The following CTNNA3 variants were observed in gnomAD, a reference collection of about 807,000 sequenced individuals.
The protein encoded by CTNNA3 is catenin alpha-3.
Under a neutral mutation model 95.7 loss-of-function variants are expected in CTNNA3, and 76 were observed. The ratio of observed to expected loss-of-function variants is 0.79; its 90% CI spans 0.66 to 0.96. The LOEUF is 0.96. Among genes scored for constraint, CTNNA3 ranks in the 40% least tolerant of loss-of-function variants. CTNNA3 has a pLI of 0.00. For missense variants in CTNNA3, 1,191 were observed against 1,089.8 expected (o/e 1.09, Z -1.31); for synonymous variants, 431 against 374.4 (o/e 1.15, Z -1.74).
intron 1 of CTNNA3, among the ~76,000 whole-genome samples, chr10:67,711,198 A>C (rs1241706858): frequency 3.3e-5 from 5 of 152,230 alleles, no homozygotes; most frequent in African/African-American, 1.2e-4. Context: ...CAGCAGTGTG[A>C]AAGTGGACTA....
rs370545577 is a variant in CTNNA3, at chr10:66,977,824, T to C, written c.1048-202300A>G. 2.6e-5 allele frequency among the ~76,000 whole-genome samples: 4 copies of C among 152,322 alleles called. 1 individual carries two copies. The highest frequency in any genetic ancestry group is 2.4e-5 in the African/African-American group (1 of 41,584). On this transcript the variant is annotated intron_variant, in intron 7 of 17. Transcript: ENST00000433211. ...ACTTCCAATTGTCACTAAAGATATG[T>C]CATGCTTTATAGCCTCCTATATGTC...
At chr10:66,875,395 T>TAAA (rs76999620) in intron 7 of CTNNA3, among the ~76,000 whole-genome samples, 5 of 146,886 alleles carry the variant, frequency 3.4e-5, no homozygotes, top group African/African-American at 7.5e-5. Context: ...CACTGTTATT[T>TAAA]AAAAAAAAAA....
At chr10:67,392,324 A>G (rs562110780) in intron 5 of CTNNA3, among the ~76,000 whole-genome samples, 2 of 152,362 alleles carry the variant, frequency 1.3e-5, no homozygotes, top group East Asian at 1.9e-4. Flanking sequence ...ATCACTGGCC[A>G]TCAGAGAAAT....
intron 9 of CTNNA3, among the ~76,000 whole-genome samples, chr10:66,713,159 T>G (rs984853535): frequency 6.6e-6 from 1 of 152,140 alleles, no homozygotes; most frequent in Non-Finnish European, 1.5e-5. Context: ...GTCTCTCTAA[T>G]GCCTGTGCCC....
At chr10:67,076,425 C>T (rs1478029101) in intron 7 of CTNNA3, among the ~76,000 whole-genome samples, 3 of 152,172 alleles carry the variant, frequency 2.0e-5, no homozygotes, top group Non-Finnish European at 4.4e-5. Flanking sequence ...GCATCATAAT[C>T]CACAATCACA....
chr10:66,119,190 A>G (rs2133809738), intron 13 of CTNNA3, among the ~76,000 whole-genome samples: 1 of 152,322 alleles, frequency 6.6e-6, no homozygotes, highest in African/African-American at 2.4e-5. Context: ...GTATGGTGGG[A>G]CTGTCATAAA....
chr10:65,946,730 A>G (rs1237412969), intron 17 of CTNNA3, among the ~76,000 whole-genome samples: 4 of 152,154 alleles, frequency 2.6e-5, no homozygotes, highest in South Asian at 4.1e-4. Context: ...TCTATTGTCC[A>G]AAACATTTAT....
intron 12 of CTNNA3, among the ~76,000 whole-genome samples, chr10:66,374,134 T>C (rs932518053): frequency 2.0e-5 from 3 of 152,198 alleles, no homozygotes; most frequent in Non-Finnish European, 4.4e-5. Context: ...CCCTCTGCTA[T>C]GTGTAGATGC....
chr10:66,336,501 C>T (rs1463885215), intron 12 of CTNNA3, among the ~76,000 whole-genome samples: 1 of 152,114 alleles, frequency 6.6e-6, no homozygotes, highest in Non-Finnish European at 1.5e-5. Flanking sequence ...TTAATAACCT[C>T]TCTATCCTCC....
chr10:67,617,730 A>G (rs1843698595), intron 2 of CTNNA3, among the ~76,000 whole-genome samples: 1 of 150,790 alleles, frequency 6.6e-6, no homozygotes, highest in African/African-American at 2.4e-5. Flanking sequence ...ACAGCGTATA[A>G]GCATTCCTTT....
intron 1 of CTNNA3, among the ~76,000 whole-genome samples, chr10:67,739,854 A>G (rs1841325071): frequency 6.6e-6 from 1 of 152,210 alleles, no homozygotes; most frequent in African/African-American, 2.4e-5. Flanking sequence ...CGCCAAGTCA[A>G]TCCTAAGCCA....
At chr10:66,716,605 G>C (rs1046959383) in intron 9 of CTNNA3, among the ~76,000 whole-genome samples, 9 of 152,268 alleles carry the variant, frequency 5.9e-5, no homozygotes, top group Middle Eastern at 3.4e-3. Context: ...GGCCAGAATT[G>C]AGGCAACAGA....
intron 1 of CTNNA3, among the ~76,000 whole-genome samples, chr10:67,755,744 A>T (rs1481569823): frequency 6.7e-6 from 1 of 148,760 alleles, no homozygotes; most frequent in East Asian, 2.0e-4. Context: ...GGAGGTTGAA[A>T]TGAGCCGAGA....
intron 13 of CTNNA3, among the ~76,000 whole-genome samples, chr10:66,239,512 A>C (rs565559904): frequency 6.6e-6 from 1 of 152,088 alleles, no homozygotes; most frequent in African/African-American, 2.4e-5. Flanking sequence ...CTAATAGATT[A>C]GGCACTCTCA....
At chr10:67,295,585 T>C (rs1564543221) in intron 5 of CTNNA3, among the ~76,000 whole-genome samples, 1 of 152,150 alleles carries the variant, frequency 6.6e-6, no homozygotes, top group Non-Finnish European at 1.5e-5. Flanking sequence ...TTAAAGTAAA[T>C]AAAGTCTTCA....
chr10:67,282,089 A>G (rs1233410440), intron 5 of CTNNA3, among the ~76,000 whole-genome samples: 2 of 152,232 alleles, frequency 1.3e-5, no homozygotes, highest in African/African-American at 4.8e-5. Context: ...ATTTCACATT[A>G]TCATTTAAAG....
intron 13 of CTNNA3, among the ~76,000 whole-genome samples, chr10:66,184,018 T>A (rs2086189449): frequency 1.3e-5 from 2 of 152,150 alleles, no homozygotes; most frequent in Admixed American, 6.6e-5. Flanking sequence ...TATGAGGTTT[T>A]TATAAAAGAA....
chr10:67,681,233 A>G (rs1840620394), intron 1 of CTNNA3, among the ~76,000 whole-genome samples: 1 of 152,228 alleles, frequency 6.6e-6, no homozygotes, highest in Admixed American at 6.5e-5. Flanking sequence ...CTGAAAGGAC[A>G]GAAAAGAATA....
At chr10:66,557,644 C>G (rs1468556414) in intron 10 of CTNNA3, among the ~76,000 whole-genome samples, 1 of 152,102 alleles carries the variant, frequency 6.6e-6, no homozygotes, top group Admixed American at 6.6e-5. Flanking sequence ...AAGTAACAGA[C>G]AGGACTTCGT....
Sources: gnomAD v4.1 joint callset for allele counts (sites outside exome capture counted in the v4.1 genomes callset) on GRCh38, gnomAD v4.1.1 for gene constraint, MANE v1.5 for transcripts, NCBI Gene and HGNC (gene_info 2026-07-23, HGNC 2026-07-21) for gene names.